KIAA1671: variants seen among roughly 807,000 people sequenced by gnomAD.
The protein encoded by KIAA1671 is uncharacterized protein KIAA1671.
In KIAA1671, 52 loss-of-function variants were observed where a neutral mutation model predicts 131.2. The ratio of observed to expected loss-of-function variants is 0.40; its 90% CI spans 0.32 to 0.50. KIAA1671 has a LOEUF of 0.50. Among genes scored for constraint, KIAA1671 ranks in the 20% least tolerant of loss-of-function variants. The probability of loss-of-function intolerance (pLI) is 0.73; values close to 1 mark genes in which losing one functional copy is unlikely to be tolerated. For synonymous variants in KIAA1671, 1,003 were observed against 961.6 expected (o/e 1.04, Z -0.80); for missense variants, 2,360 against 2,364.2 (o/e 1.00, Z 0.04).
chr22:25,170,058 C>T (rs1395878681), intron 6 of KIAA1671, among the ~76,000 whole-genome samples: 1 of 152,064 alleles, frequency 6.6e-6, no homozygotes, highest in Non-Finnish European at 1.5e-5. Flanking sequence ...GAACTATAGG[C>T]GCCTGCCACC....
At chr22:25,016,390 C>T (rs866170230) in intron 1 of KIAA1671, among the ~76,000 whole-genome samples, 7 of 152,246 alleles carry the variant, frequency 4.6e-5, no homozygotes, top group African/African-American at 7.2e-5. Context: ...GTTCTCCCTC[C>T]GGGGAATGTG....
intron 6 of KIAA1671, among the ~76,000 whole-genome samples, chr22:25,094,595 C>T (rs1930310348): frequency 6.6e-6 from 1 of 152,192 alleles, no homozygotes; most frequent in South Asian, 2.1e-4. Flanking sequence ...CCCGGGCCTT[C>T]CTCCAGCAGC....
chr22:25,184,789 G>T (rs1934413582), intron 10 of KIAA1671, among the ~76,000 whole-genome samples, 188 bp from the exon 11 acceptor site: 1 of 151,890 alleles, frequency 6.6e-6, no homozygotes, highest in Non-Finnish European at 1.5e-5. Context: ...TGGGGGTCGA[G>T]GGTGGCTGCT....
intron 6 of KIAA1671, among the ~76,000 whole-genome samples, chr22:25,084,613 C>G (rs1010813817): frequency 6.6e-6 from 1 of 152,182 alleles, no homozygotes; most frequent in African/African-American, 2.4e-5. Context: ...GACTCCAAAA[C>G]AGCAGTGCAA....
intron 1 of KIAA1671, among the ~76,000 whole-genome samples, chr22:24,975,895 G>A (rs1922886064): frequency 6.6e-6 from 1 of 152,168 alleles, no homozygotes; most frequent in Admixed American, 6.5e-5. Context: ...TCACCAGCAG[G>A]AGATGAGAGC....
intron 6 of KIAA1671, among the ~76,000 whole-genome samples, chr22:25,077,380 C>T (rs1929169158): frequency 6.6e-6 from 1 of 152,152 alleles, no homozygotes; most frequent in Non-Finnish European, 1.5e-5. Flanking sequence ...TTAGAGTGGG[C>T]ATTTAATATG....
intron 6 of KIAA1671, among the ~76,000 whole-genome samples, chr22:25,069,603 T>A (rs1046283489): frequency 6.6e-6 from 1 of 152,204 alleles, no homozygotes; most frequent in Non-Finnish European, 1.5e-5. Context: ...CCGCGTGACC[T>A]TGGCCAAGTC....
intron 6 of KIAA1671, among the ~76,000 whole-genome samples, chr22:25,093,768 G>GTCTCTCTCTCTCTCTCTCTCTCTCTC (rs71191028): frequency 6.6e-5 from 4 of 60,706 alleles, no homozygotes; most frequent in Admixed American, 1.7e-4. Context: ...CTCTCTCTCT[G>GTCTCTCTCTCTCTCTCTCTCTCTCTC]TCTCTCTCTC....
intron 6 of KIAA1671, among the ~76,000 whole-genome samples, chr22:25,140,597 G>A (rs544611990): frequency 1.4e-4 from 22 of 152,254 alleles, no homozygotes; most frequent in African/African-American, 5.1e-4. Flanking sequence ...CAAGGGGAGG[G>A]GCTCACACAG....
At chr22:24,978,249 G>A (rs1923016032) in intron 1 of KIAA1671, among the ~76,000 whole-genome samples, 1 of 152,134 alleles carries the variant, frequency 6.6e-6, no homozygotes, top group African/African-American at 2.4e-5. Context: ...TCTTTTGGTA[G>A]TGATTAAGTC....
chr22:25,100,329 T>C (rs1930600164), intron 6 of KIAA1671, among the ~76,000 whole-genome samples: 1 of 152,164 alleles, frequency 6.6e-6, no homozygotes, highest in African/African-American at 2.4e-5. Context: ...ACCTTGTGTT[T>C]TTCACCATCA....
chr22:25,154,284 C>T (rs1216357193), intron 6 of KIAA1671, among the ~76,000 whole-genome samples: 1 of 152,226 alleles, frequency 6.6e-6, no homozygotes, highest in Non-Finnish European at 1.5e-5. Flanking sequence ...TGTCTCAGGG[C>T]TCACAGTTGT....
chr22:25,130,779 C>G (rs1932410117), intron 6 of KIAA1671, among the ~76,000 whole-genome samples: 1 of 152,102 alleles, frequency 6.6e-6, no homozygotes, highest in South Asian at 2.1e-4. Context: ...CCACTGCCCT[C>G]GAAGCCTGTC....
chr22:25,122,835 C>A (rs1932006074), intron 6 of KIAA1671, among the ~76,000 whole-genome samples: 1 of 152,060 alleles, frequency 6.6e-6, no homozygotes, highest in Non-Finnish European at 1.5e-5. Flanking sequence ...ATTAGCCAGG[C>A]GTGATGGTGG....
intron 6 of KIAA1671, among the ~76,000 whole-genome samples, chr22:25,125,413 C>T (rs2145934999): frequency 6.6e-6 from 1 of 152,264 alleles, no homozygotes; most frequent in East Asian, 1.9e-4. Flanking sequence ...GTGAGTTGCC[C>T]AGAGTCACCT....
Position 25,148,582 on chromosome 22 carries a change from T to G in KIAA1671, c.4531-22238T>G, listed in dbSNP as rs116566712. Among the ~76,000 whole-genome samples, 728 of 152,200 alleles carry G rather than the reference T, an allele frequency of 4.8e-3. 7 individuals are homozygous for G. The highest frequency in any genetic ancestry group is 0.017 in the African/African-American group (705 of 41,520). On this transcript the variant is annotated intron_variant, in intron 6 of 12. Coordinates refer to ENST00000358431, the MANE Select transcript of KIAA1671 (RefSeq NM_001145206.2). ...CTTTCTCGCTGAAGCAGGACATGAG[T>G]AGGGAGGAGCATCTTGTGATGGGCC...
At chr22:25,073,686 C>T (rs1436022396) in intron 6 of KIAA1671, among the ~76,000 whole-genome samples, 4 of 152,218 alleles carry the variant, frequency 2.6e-5, no homozygotes, top group African/African-American at 9.6e-5. Context: ...CCCCTACACC[C>T]CTCTGCCCCA....
At chr22:25,103,298 C>T (rs1930799713) in intron 6 of KIAA1671, among the ~76,000 whole-genome samples, 1 of 151,380 alleles carries the variant, frequency 6.6e-6, no homozygotes, top group Non-Finnish European at 1.5e-5. Context: ...GCAACCTCTG[C>T]CTCCCAGGTT....
intron 1 of KIAA1671, among the ~76,000 whole-genome samples, chr22:24,998,768 C>T (rs993280237): frequency 6.7e-6 from 1 of 149,410 alleles, no homozygotes. Flanking sequence ...TAAATGATCA[C>T]CTATTGTAAA....
Sources: allele counts gnomAD v4.1 joint callset (sites outside exome capture counted in the v4.1 genomes callset), GRCh38; gene constraint gnomAD v4.1.1; transcripts MANE v1.5; gene names NCBI Gene and HGNC (gene_info 2026-07-23, HGNC 2026-07-21).